ARHGAP15: variants seen among roughly 807,000 people sequenced by gnomAD.
ARHGAP15 encodes the protein Rho GTPase activating protein 15, also known as rho GTPase-activating protein 15.
In ARHGAP15, 51 loss-of-function variants were observed where a neutral mutation model predicts 63.7. The ratio of observed to expected loss-of-function variants is 0.80; its 90% CI spans 0.64 to 1.01. The LOEUF (loss-of-function observed/expected upper bound fraction) is 1.01, where lower values mean the gene tolerates loss of function less well. ARHGAP15 is among the 50% of genes least tolerant of loss of function. The pLI is 0.00. For synonymous variants in ARHGAP15, 191 were observed against 193.8 expected, an observed-to-expected ratio of 0.99 and a Z score of 0.12; for missense variants, 560 against 564.6, an observed-to-expected ratio of 0.99 and a Z score of 0.08.
intron 10 of ARHGAP15, among the ~76,000 whole-genome samples, chr2:143,537,149 T>C (rs1179673191): frequency 2.0e-5 from 3 of 152,224 alleles, no homozygotes; most frequent in African/African-American, 7.2e-5. Flanking sequence ...CATTTTTTCA[T>C]GTGTTTTTTG....
At chr2:143,695,924 A>G (rs902958449) in intron 12 of ARHGAP15, among the ~76,000 whole-genome samples, 7 of 152,146 alleles carry the variant, frequency 4.6e-5, no homozygotes, top group Non-Finnish European at 5.9e-5. Flanking sequence ...ACTCGCCCCA[A>G]TGTGAGATCA....
At chr2:143,254,153 T>C (rs1002001742) in intron 6 of ARHGAP15, among the ~76,000 whole-genome samples, 2 of 152,136 alleles carry the variant, frequency 1.3e-5, no homozygotes, top group African/African-American at 4.8e-5. Flanking sequence ...TCTTTGGTGT[T>C]TAGCCTGAAA....
chr2:143,325,722 C>T (rs574486035), intron 6 of ARHGAP15, among the ~76,000 whole-genome samples: 2 of 152,188 alleles, frequency 1.3e-5, no homozygotes, highest in South Asian at 4.2e-4. Context: ...CAGAAAAAAT[C>T]ACTCTAAGCC....
intron 6 of ARHGAP15, among the ~76,000 whole-genome samples, chr2:143,267,071 A>G (rs1376517607): frequency 1.3e-5 from 2 of 152,314 alleles, no homozygotes; most frequent in Non-Finnish European, 1.5e-5. Context: ...GGACTAAGGA[A>G]GTCACAGAGC....
At chr2:143,477,911 G>A (rs1329508239) in intron 8 of ARHGAP15, among the ~76,000 whole-genome samples, 4 of 152,182 alleles carry the variant, frequency 2.6e-5, no homozygotes, top group African/African-American at 9.7e-5. Flanking sequence ...CAGTTTGGCT[G>A]AAAGAAGAAC....
intron 10 of ARHGAP15, among the ~76,000 whole-genome samples, chr2:143,533,945 T>G (rs913871242): frequency 3.3e-5 from 5 of 152,224 alleles, no homozygotes; most frequent in African/African-American, 1.2e-4. Context: ...AGGTTGTTAC[T>G]GGGGAAGACT....
At chr2:143,576,965 G>A (rs755569185) in intron 11 of ARHGAP15, among the ~76,000 whole-genome samples, 4 of 152,104 alleles carry the variant, frequency 2.6e-5, no homozygotes, top group Admixed American at 6.6e-5. Context: ...TGTCTACAAA[G>A]CTGTCATCAA....
At chr2:143,544,582 A>C (rs191888660) in intron 10 of ARHGAP15, among the ~76,000 whole-genome samples, 101 of 152,318 alleles carry the variant, frequency 6.6e-4, no homozygotes, top group African/African-American at 2.2e-3. Context: ...CAGAGAATAT[A>C]TGTTCTCACA....
At chr2:143,488,202 G>A (rs1490748492) in intron 9 of ARHGAP15, among the ~76,000 whole-genome samples, 2 of 152,098 alleles carry the variant, frequency 1.3e-5, no homozygotes, top group East Asian at 1.9e-4. Context: ...TTGTTAAATG[G>A]GGATACTTAT....
At chr2:143,159,973 A>G (rs980743545) in intron 2 of ARHGAP15, among the ~76,000 whole-genome samples, 2 of 151,922 alleles carry the variant, frequency 1.3e-5, no homozygotes, top group African/African-American at 4.8e-5. Context: ...AAAAACATAG[A>G]TACAGACAAT....
chr2:143,233,354 A>G (rs550595449), intron 5 of ARHGAP15, among the ~76,000 whole-genome samples: 1 of 152,212 alleles, frequency 6.6e-6, no homozygotes, highest in East Asian at 1.9e-4. Flanking sequence ...TCCTAGAAAT[A>G]TATATTCTCT....
At chr2:143,673,756 G>GTATATATATA (rs1362315937) in intron 12 of ARHGAP15, among the ~76,000 whole-genome samples, 11 of 30,986 alleles carry the variant, frequency 3.5e-4, no homozygotes, top group African/African-American at 7.0e-4. Flanking sequence ...GTGTGTGTGT[G>GTATATATATA]TGTATATATA....
chr2:143,540,399 G>A (rs1180543148), intron 10 of ARHGAP15, among the ~76,000 whole-genome samples: 1 of 152,162 alleles, frequency 6.6e-6, no homozygotes, highest in African/African-American at 2.4e-5. Flanking sequence ...GTATTGTTAT[G>A]TGTGAATTTG....
chr2:143,452,010 A>G (rs1413834080), intron 8 of ARHGAP15, among the ~76,000 whole-genome samples: 1 of 152,004 alleles, frequency 6.6e-6, no homozygotes. Context: ...AAACTTTTTT[A>G]ATAGGGAGAT....
intron 8 of ARHGAP15, among the ~76,000 whole-genome samples, chr2:143,454,225 G>A (rs1690542353): frequency 2.6e-5 from 4 of 151,994 alleles, no homozygotes; most frequent in Admixed American, 2.6e-4. Flanking sequence ...GGCTTGTCAA[G>A]AAAGGAATTA....
intron 1 of ARHGAP15, among the ~76,000 whole-genome samples, chr2:143,146,056 G>T (rs1469463122): frequency 2.0e-5 from 3 of 151,434 alleles, no homozygotes; most frequent in African/African-American, 4.9e-5. Context: ...TTAAGCAAGG[G>T]TCTCTTAAGA....
chr2:143,627,331 C>T (rs900527882), intron 12 of ARHGAP15, among the ~76,000 whole-genome samples: 5 of 152,092 alleles, frequency 3.3e-5, no homozygotes, highest in Admixed American at 6.5e-5. Flanking sequence ...TGGACAGAGA[C>T]GTACATTTAC....
chr2:143,317,786 A>G (rs1225757535), intron 6 of ARHGAP15, among the ~76,000 whole-genome samples: 1 of 152,218 alleles, frequency 6.6e-6, no homozygotes, highest in Non-Finnish European at 1.5e-5. Context: ...AAGAGGCTGC[A>G]AAGACAGATA....
rs191769892 is a variant in ARHGAP15 at position 143,633,297 on chromosome 2, G to A, written c.1138+9030G>A. On this transcript the variant is annotated intron_variant, in intron 12 of 13. Transcript: ENST00000295095. ...ATAATGAAATTGAAGAAAAATACTT[G>A]ACTAGAGCCAAATGGCTTGCACAGG... 1.2e-4 allele frequency among the ~76,000 whole-genome samples: 18 copies of A among 152,236 alleles called. No individual in the cohort carries two copies. In the East Asian group the frequency reaches 3.5e-3, roughly 29 times the overall value.
Sources: gnomAD v4.1 joint callset for allele counts (sites outside exome capture counted in the v4.1 genomes callset) on GRCh38, gnomAD v4.1.1 for gene constraint, MANE v1.5 for transcripts, NCBI Gene and HGNC (gene_info 2026-07-23, HGNC 2026-07-21) for gene names.